The following FSTL4 variants were observed in gnomAD, a reference collection of about 807,000 sequenced individuals.
FSTL4 encodes follistatin like 4, also known as follistatin-related protein 4.
Under a neutral mutation model 78.2 loss-of-function variants are expected in FSTL4, and 28 were observed. The ratio of observed to expected loss-of-function variants is 0.36; its 90% confidence interval spans 0.27 to 0.49. The LOEUF (loss-of-function observed/expected upper bound fraction) is 0.49, where lower values mean the gene tolerates loss of function less well. Ranked by LOEUF, FSTL4 falls within the 20% of genes least tolerant of loss-of-function variation. FSTL4 has a pLI of 0.98. For synonymous variants in FSTL4, 422 were observed against 440.5 expected (o/e 0.96, Z 0.53); for missense variants, 922 against 1,084.9 (o/e 0.85, Z 2.11).
At chr5:133,597,429 C>T (rs1760762193) in intron 2 of FSTL4, among the ~76,000 whole-genome samples, 1 of 152,180 alleles carries the variant, frequency 6.6e-6, no homozygotes, top group Non-Finnish European at 1.5e-5. Flanking sequence ...AATGCACAGC[C>T]TGATGTCTTC....
At chr5:133,660,498 A>C in the FSTL4 span, among the ~76,000 whole-genome samples, 1 of 152,136 alleles carries the variant, frequency 6.6e-6, no homozygotes, top group Non-Finnish European at 1.5e-5. Context: ...CCTGCATCCT[A>C]TGGGGCTATG....
the FSTL4 span, among the ~76,000 whole-genome samples, chr5:133,636,677 A>G: frequency 6.6e-6 from 1 of 152,174 alleles, no homozygotes; most frequent in Non-Finnish European, 1.5e-5. Context: ...GTTGAGAGTA[A>G]GCACTATGTA....
intron 6 of FSTL4, among the ~76,000 whole-genome samples, chr5:133,279,147 A>G (rs1452195139): frequency 6.6e-6 from 1 of 152,188 alleles, no homozygotes; most frequent in East Asian, 1.9e-4. Flanking sequence ...CTAGTGCCCT[A>G]GACCAGGGGT....
chr5:133,344,693 T>C (rs1005495540), intron 4 of FSTL4, among the ~76,000 whole-genome samples: 3 of 152,234 alleles, frequency 2.0e-5, no homozygotes, highest in African/African-American at 7.2e-5. Flanking sequence ...GTATTCTTCA[T>C]CATATCTCTG....
intron 4 of FSTL4, among the ~76,000 whole-genome samples, chr5:133,356,138 C>T (rs1379442243): frequency 6.6e-6 from 1 of 152,218 alleles, no homozygotes; most frequent in Non-Finnish European, 1.5e-5. Flanking sequence ...ATCATGAAAA[C>T]ATAGTCTTTT....
At chr5:133,630,365 C>A in the FSTL4 span, among the ~76,000 whole-genome samples, 1 of 151,496 alleles carries the variant, frequency 6.6e-6, no homozygotes, top group Non-Finnish European at 1.5e-5. Context: ...AGACAGACAG[C>A]CAAATCATGA....
rs561870195 is a variant in FSTL4 at position 133,369,772 on chromosome 5, C to A, written c.409+30966G>T. Among the ~76,000 whole-genome samples, 12 of 152,326 alleles carry A rather than the reference C, an allele frequency of 7.9e-5. No homozygotes were observed. In the East Asian group the frequency reaches 2.3e-3, roughly 29 times the overall value. Reference sequence around the variant, plus strand: ...ACCATTAAGGGCAACACACTTGTGCCATTTGATTTACTGGGTGGGTTCTGT... The same window carrying A: ...ACCATTAAGGGCAACACACTTGTGCAATTTGATTTACTGGGTGGGTTCTGT... On this transcript the variant is annotated intron_variant, in intron 4 of 15. Coordinates refer to ENST00000265342, the MANE Select transcript of FSTL4 (RefSeq NM_015082.2).
chr5:133,494,413 T>C (rs1221910351), intron 3 of FSTL4, among the ~76,000 whole-genome samples: 2 of 152,128 alleles, frequency 1.3e-5, no homozygotes, highest in Non-Finnish European at 2.9e-5. Context: ...CCTTAAAAGC[T>C]TTCCAAGTCT....
the FSTL4 span, among the ~76,000 whole-genome samples, chr5:133,726,300 C>T: frequency 3.3e-5 from 5 of 152,242 alleles, no homozygotes; most frequent in African/African-American, 9.6e-5. Context: ...GCAGCTATGC[C>T]GAACATTTAT....
At chr5:133,708,006 G>A in the FSTL4 span, among the ~76,000 whole-genome samples, 6 of 151,824 alleles carry the variant, frequency 4.0e-5, no homozygotes, top group South Asian at 1.3e-3. Flanking sequence ...AGCTGAGCAT[G>A]TGTAACTCCA....
chr5:133,260,576 A>G (rs1319942561), intron 6 of FSTL4, among the ~76,000 whole-genome samples: 1 of 152,168 alleles, frequency 6.6e-6, no homozygotes, highest in Non-Finnish European at 1.5e-5. Context: ...CATTGCTCAC[A>G]GCCTCCCGGC....
the FSTL4 span, among the ~76,000 whole-genome samples, chr5:133,671,124 T>C: frequency 6.6e-6 from 1 of 152,076 alleles, no homozygotes; most frequent in Non-Finnish European, 1.5e-5. Context: ...GGGCGAGACC[T>C]TGTGAAAGAC....
intron 6 of FSTL4, among the ~76,000 whole-genome samples, chr5:133,311,321 T>G (rs1231891868): frequency 6.6e-6 from 1 of 152,126 alleles, no homozygotes; most frequent in Non-Finnish European, 1.5e-5. Flanking sequence ...TAGGCAGGTA[T>G]GAGTTTGACT....
chr5:133,680,737 G>A, the FSTL4 span, among the ~76,000 whole-genome samples: 145,841 of 152,318 alleles, frequency 0.96, 69,864 homozygotes, highest in East Asian at 1. Flanking sequence ...GGGTAGACAC[G>A]AAAGCCCTGC....
chr5:133,363,597 G>T (rs1320114638), intron 4 of FSTL4, among the ~76,000 whole-genome samples: 1 of 152,058 alleles, frequency 6.6e-6, no homozygotes, highest in East Asian at 1.9e-4. Context: ...CACTTTCCTT[G>T]CTCTTGCCTT....
chr5:133,372,302 T>C (rs1246051127), intron 4 of FSTL4, among the ~76,000 whole-genome samples: 1 of 152,030 alleles, frequency 6.6e-6, no homozygotes, highest in Non-Finnish European at 1.5e-5. Context: ...TTAAAATTTA[T>C]TGTCCTGTGG....
chr5:133,370,745 G>A (rs528994025), intron 4 of FSTL4, among the ~76,000 whole-genome samples: 12 of 152,270 alleles, frequency 7.9e-5, no homozygotes, highest in Middle Eastern at 3.4e-3. Context: ...TGAGGCAGCA[G>A]TGAGTCAGAG....
chr5:133,540,276 TTCTC>T (rs753760636), intron 3 of FSTL4, among the ~76,000 whole-genome samples: 7 of 150,654 alleles, frequency 4.6e-5, no homozygotes, highest in African/African-American at 1.2e-4. Context: ...CACTCATTCA[TTCTC>T]TCTCTCTCTC....
At position 133,225,082 on chromosome 5, in the gene FSTL4, G is replaced by T; in HGVS notation, c.1312+68C>A. 1 of 1,584,320 alleles carries T rather than the reference G, an allele frequency of 6.3e-7. No individual in the cohort carries two copies. On this transcript the variant is annotated intron_variant, in intron 10 of 15. Coordinates refer to ENST00000265342, the MANE Select transcript of FSTL4 (RefSeq NM_015082.2). The surrounding 1 kb of genome is among the most constrained non-coding windows in gnomAD (Gnocchi z 4.6). ...TGGCAGCTGTGGCCCTGGTCAATTG[G>T]TGCCCTCCCTTGCCACCCAACACCT...
Sources: allele counts gnomAD v4.1 joint callset (sites outside exome capture counted in the v4.1 genomes callset), GRCh38; gene constraint gnomAD v4.1.1; non-coding constraint Gnocchi (gnomAD v3.1); transcripts MANE v1.5; gene names NCBI Gene and HGNC (gene_info 2026-07-23, HGNC 2026-07-21).